The following ANO3 variants were observed in gnomAD, a reference collection of about 807,000 sequenced individuals.
The protein encoded by ANO3 is anoctamin-3.
ANO3 carries 99 observed loss-of-function variants against 144.8 expected under a neutral mutation model. That is an observed-to-expected ratio of 0.68 (90% CI 0.58 to 0.81). ANO3 has a LOEUF of 0.81. Among genes scored for constraint, ANO3 ranks in the 30% least tolerant of loss-of-function variants. The probability of loss-of-function intolerance (pLI) is 0.00; values close to 1 mark genes in which losing one functional copy is unlikely to be tolerated. For missense variants in ANO3, 905 were observed against 1,202.2 expected (o/e 0.75, Z 3.66); for synonymous variants, 414 against 392.6 (o/e 1.05, Z -0.64).
upstream of ANO3, among the ~76,000 whole-genome samples, chr11:26,306,021 C>T (rs949150704): frequency 6.6e-6 from 1 of 151,990 alleles, no homozygotes; most frequent in Non-Finnish European, 1.5e-5. Flanking sequence ...TGCAGTGGCG[C>T]GATCTCGGCT....
At chr11:26,593,776 T>C (rs774237308) in intron 14 of ANO3, among the ~76,000 whole-genome samples, 18 of 152,100 alleles carry the variant, frequency 1.2e-4, no homozygotes, top group Non-Finnish European at 2.2e-4. Context: ...CTATTAGGCA[T>C]GTGATTTGCC....
chr11:26,658,747 AT>A (rs1310176484), intron 26 of ANO3, among the ~76,000 whole-genome samples: 2 of 152,108 alleles, frequency 1.3e-5, no homozygotes, highest in East Asian at 1.9e-4. Flanking sequence ...AATATCAAAC[AT>A]TTTATCAAGA....
intron 1 of ANO3, among the ~76,000 whole-genome samples, chr11:26,203,574 G>A (rs1314324241): frequency 1.3e-5 from 2 of 152,118 alleles, no homozygotes; most frequent in African/African-American, 2.4e-5. Context: ...TGGGGGAGAG[G>A]TGGCTAGAAG....
intron 1 of ANO3, among the ~76,000 whole-genome samples, chr11:26,390,450 A>G (rs571153774): frequency 1.3e-5 from 2 of 152,174 alleles, no homozygotes; most frequent in East Asian, 1.9e-4. Context: ...AGACAATTTC[A>G]TCATCACTTC....
intron 4 of ANO3, among the ~76,000 whole-genome samples, chr11:26,504,905 G>C (rs546572417): frequency 9.9e-4 from 149 of 151,104 alleles, no homozygotes; most frequent in Non-Finnish European, 1.7e-3. Flanking sequence ...CGAGCTACTC[G>C]GGAGGCTGAG....
At chr11:26,388,133 T>A (rs12294597) in intron 1 of ANO3, among the ~76,000 whole-genome samples, 39,703 of 150,162 alleles carry the variant, frequency 0.26, 5,893 homozygotes, top group African/African-American at 0.4. Context: ...CTTTATAATT[T>A]TTATTTTTTA....
chr11:26,505,212 G>A (rs1861377955), intron 4 of ANO3, among the ~76,000 whole-genome samples: 1 of 151,728 alleles, frequency 6.6e-6, no homozygotes, highest in African/African-American at 2.4e-5. Context: ...ATGTTTGATG[G>A]GTAAGAAAAA....
chr11:26,242,352 T>C (rs1852681434), intron 1 of ANO3, among the ~76,000 whole-genome samples: 1 of 152,198 alleles, frequency 6.6e-6, no homozygotes, highest in Non-Finnish European at 1.5e-5. Context: ...ATCTACTCTG[T>C]AGATTTGCCC....
chr11:26,276,598 A>G (rs778092622), intron 1 of ANO3, among the ~76,000 whole-genome samples: 16 of 152,202 alleles, frequency 1.1e-4, no homozygotes, highest in Non-Finnish European at 2.1e-4. Context: ...TCAGCAGATT[A>G]GCCATGATTC....
chr11:26,517,397 G>A (rs1861903745), intron 6 of ANO3, among the ~76,000 whole-genome samples: 1 of 152,002 alleles, frequency 6.6e-6, no homozygotes, highest in Admixed American at 6.6e-5. Flanking sequence ...GAAATAAATG[G>A]TAATAAGAGG....
chr11:26,407,785 T>C (rs1296555639), intron 1 of ANO3, among the ~76,000 whole-genome samples: 2 of 151,858 alleles, frequency 1.3e-5, no homozygotes, highest in Non-Finnish European at 2.9e-5. Context: ...TGAGAGCTGC[T>C]CCATGCTTTC....
intron 17 of ANO3, among the ~76,000 whole-genome samples, chr11:26,604,224 A>G (rs772558944): frequency 1.8e-4 from 27 of 152,088 alleles, no homozygotes; most frequent in Non-Finnish European, 3.4e-4. Flanking sequence ...ATGGTAGTAG[A>G]TACGTGGTGT....
chr11:26,459,911 G>A (rs542155448), intron 3 of ANO3, among the ~76,000 whole-genome samples: 2 of 152,164 alleles, frequency 1.3e-5, no homozygotes, highest in South Asian at 2.1e-4. Context: ...AGGCTTAAAG[G>A]AACATTCCTG....
At chr11:26,472,744 T>C (rs1029961913) in intron 4 of ANO3, among the ~76,000 whole-genome samples, 4 of 151,912 alleles carry the variant, frequency 2.6e-5, no homozygotes, top group African/African-American at 7.2e-5. Context: ...AAAACACTTG[T>C]CCCTAGCTTG....
At chr11:26,424,728 T>C (rs746703866) in intron 1 of ANO3, among the ~76,000 whole-genome samples, 15 of 152,104 alleles carry the variant, frequency 9.9e-5, no homozygotes, top group South Asian at 4.1e-4. Flanking sequence ...AAATGATTAA[T>C]TGACATAAAA....
rs574074121 is a variant in ANO3, at chr11:26,409,634, G to T, written c.47-32284G>T. 3.6e-4 allele frequency among the ~76,000 whole-genome samples: 54 copies of T among 151,972 alleles called. No homozygotes were observed. The South Asian group carries it at 4.8e-3, about 13-fold the overall frequency. ...GAGATACATGTGATGAAATAATGTG[G>T]ACATCTGTCATATTCATCAAAATAG... On this transcript the variant is annotated intron_variant, in intron 1 of 26. Transcript: ENST00000256737.
At chr11:26,413,880 T>C (rs867002067) in intron 1 of ANO3, among the ~76,000 whole-genome samples, 12 of 152,116 alleles carry the variant, frequency 7.9e-5, no homozygotes, top group Middle Eastern at 3.4e-3. Flanking sequence ...CATAAAGAAA[T>C]TGAATGAAGG....
At chr11:26,504,220 AT>A (rs1861320616) in intron 4 of ANO3, among the ~76,000 whole-genome samples, 1 of 152,046 alleles carries the variant, frequency 6.6e-6, no homozygotes, top group Non-Finnish European at 1.5e-5. Context: ...GCCTATTATA[AT>A]TTGTTCTATT....
intron 4 of ANO3, among the ~76,000 whole-genome samples, chr11:26,492,352 A>G (rs1293744599): frequency 6.6e-6 from 1 of 152,138 alleles, no homozygotes; most frequent in Non-Finnish European, 1.5e-5. Flanking sequence ...CATGTTCCTA[A>G]TCCTATGGGT....
Sources: gnomAD v4.1 joint callset for allele counts (sites outside exome capture counted in the v4.1 genomes callset) on GRCh38, gnomAD v4.1.1 for gene constraint, MANE v1.5 for transcripts, NCBI Gene and HGNC (gene_info 2026-07-23, HGNC 2026-07-21) for gene names.